SDK1: variants seen among roughly 807,000 people sequenced by gnomAD.
SDK1 encodes the protein sidekick cell adhesion molecule 1.
SDK1 carries 157 observed loss-of-function variants against 245.5 expected under a neutral mutation model. The observed-to-expected ratio is 0.64, with a 90% CI of 0.56 to 0.73. The LOEUF is 0.73. Among genes scored for constraint, SDK1 ranks in the 30% least tolerant of loss-of-function variants. The pLI is 0.00. For synonymous variants in SDK1, 1,647 were observed against 1,278.5 expected, an observed-to-expected ratio of 1.29 and a Z score of -6.15; for missense variants, 3,583 against 3,002.3, an observed-to-expected ratio of 1.19 and a Z score of -4.52.
rs57770805 is a variant in SDK1, at chr7:3,319,878, C to CTTTTTTTTTTTTTTTTTTTTT, written c.298+18011_298+18012insTTTTTTTTTTTTTTTTTTTTT. On this transcript the variant is annotated intron_variant, in intron 1 of 44. Coordinates refer to ENST00000404826, the MANE Select transcript of SDK1 (RefSeq NM_152744.4). ...TGCCTATATCTAACCCATTCTTAGT[C>CTTTTTTTTTTTTTTTTTTTTT]TTTTTTTTTTTTTTTTTGCATTTGC... 4.5e-3 allele frequency among the ~76,000 whole-genome samples: 399 copies of CTTTTTTTTTTTTTTTTTTTTT among 87,858 alleles called. 35 individuals are homozygous for CTTTTTTTTTTTTTTTTTTTTT. Among genetic ancestry groups the CTTTTTTTTTTTTTTTTTTTTT allele is most frequent in the African/African-American group, 6.7e-3 (145 of 21,676 alleles). 57.6% of individuals were successfully genotyped at this position (87,858 alleles called of 152,430 possible). A position where few individuals can be genotyped will look rare whatever the true frequency, so the allele number is the denominator to read the frequency against.
In SDK1 at chr7:4,144,122, TG is replaced by T. The variant is rs1325769375; in HGVS notation, c.4229-1595del. On this transcript the variant is annotated intron_variant, in intron 28 of 44. Transcript: ENST00000404826. ...TCCCTACTCTCACTACACAGGGGTG[TG>T]GGGGAAGGGGAGGCGTGGGGGAAGG... 8.5e-4 allele frequency among the ~76,000 whole-genome samples: 11 copies of T among 12,990 alleles called. No homozygotes were observed. The Admixed American group carries it at 9.6e-3, about 11-fold the overall frequency. The allele number at this position is 12,990 out of a possible 152,430, so 8.5% of individuals were successfully genotyped here.
At chr7:3,351,184 G>T (rs1395397142) in intron 1 of SDK1, among the ~76,000 whole-genome samples, 4 of 152,066 alleles carry the variant, frequency 2.6e-5, no homozygotes, top group Non-Finnish European at 5.9e-5. Context: ...AATCTTAAAG[G>T]CCAGATGGTA....
chr7:3,866,699 G>A (rs1353636990), intron 5 of SDK1, among the ~76,000 whole-genome samples: 1 of 152,194 alleles, frequency 6.6e-6, no homozygotes, highest in Non-Finnish European at 1.5e-5. Flanking sequence ...AGCATTGATT[G>A]TGAGGCATAC....
intron 5 of SDK1, among the ~76,000 whole-genome samples, chr7:3,872,707 A>G (rs1408807513): frequency 6.6e-6 from 1 of 151,940 alleles, no homozygotes; most frequent in African/African-American, 2.4e-5. Flanking sequence ...TGAAATTTTC[A>G]AAGAGTAGCT....
chr7:3,615,144 A>T (rs1340089425), intron 1 of SDK1, among the ~76,000 whole-genome samples: 1 of 151,674 alleles, frequency 6.6e-6, no homozygotes, highest in Admixed American at 6.6e-5. Flanking sequence ...TATGTTTTCT[A>T]TGACTCATTC....
chr7:3,972,140 C>T (rs180856491), intron 12 of SDK1, among the ~76,000 whole-genome samples: 1 of 146,866 alleles, frequency 6.8e-6, no homozygotes, highest in East Asian at 2.0e-4. Flanking sequence ...AGTACAGTGG[C>T]ATTATCTCAG....
chr7:3,898,875 T>C (rs1781690167), intron 5 of SDK1, among the ~76,000 whole-genome samples: 1 of 152,224 alleles, frequency 6.6e-6, no homozygotes, highest in African/African-American at 2.4e-5. Context: ...TAACATCTTA[T>C]GTTGTTAATC....
chr7:3,554,246 G>A (rs987847287), intron 1 of SDK1, among the ~76,000 whole-genome samples: 1 of 152,114 alleles, frequency 6.6e-6, no homozygotes, highest in Non-Finnish European at 1.5e-5. Flanking sequence ...CATGCGGAGT[G>A]CACTCTCTGA....
rs116957769 is a variant in SDK1, at chr7:4,022,717, C to T, written c.2602+5365C>T. 1.1e-4 allele frequency among the ~76,000 whole-genome samples: 16 copies of T among 152,008 alleles called. No homozygotes were observed. The East Asian group carries it at 2.9e-3, about 28-fold the overall frequency. ...TCAGCAGTATGTAGTGAGCACAGTGCGATGTTGACCCCACCACTCACTGGC... is the reference window on the plus strand; with the variant it reads ...TCAGCAGTATGTAGTGAGCACAGTGTGATGTTGACCCCACCACTCACTGGC... On this transcript the variant is annotated intron_variant, in intron 17 of 44. Coordinates refer to ENST00000404826, the MANE Select transcript of SDK1 (RefSeq NM_152744.4).
intron 5 of SDK1, among the ~76,000 whole-genome samples, chr7:3,830,725 G>C (rs571761021): frequency 1.3e-5 from 2 of 152,052 alleles, no homozygotes; most frequent in African/African-American, 4.8e-5. Flanking sequence ...TCTTGAACTC[G>C]GGCTCAAACA....
chr7:4,067,977 G>A, intron 20 of SDK1, 41 bp downstream of exon 20: 1 of 1,455,786 alleles, frequency 6.9e-7, no homozygotes, highest in Admixed American at 1.9e-5. Flanking sequence ...AGATAAGTTT[G>A]TCCTCACAAA....
At chr7:3,433,819 C>A (rs898690877) in intron 1 of SDK1, among the ~76,000 whole-genome samples, 3 of 152,148 alleles carry the variant, frequency 2.0e-5, no homozygotes, top group South Asian at 2.1e-4. Flanking sequence ...AAATCACAAG[C>A]TTGACAACCT....
chr7:3,854,228 C>G (rs896732798), intron 5 of SDK1, among the ~76,000 whole-genome samples: 5 of 152,278 alleles, frequency 3.3e-5, no homozygotes, highest in African/African-American at 1.2e-4. Context: ...TTGAAATCAT[C>G]TGACTTCAGT....
At chr7:3,677,719 T>A (rs188972638) in intron 4 of SDK1, among the ~76,000 whole-genome samples, 16 of 152,338 alleles carry the variant, frequency 1.1e-4, no homozygotes, top group African/African-American at 3.4e-4. Context: ...GAATATATAT[T>A]TTATATCTTA....
intron 1 of SDK1, among the ~76,000 whole-genome samples, chr7:3,587,333 A>C (rs563731639): frequency 6.6e-6 from 1 of 151,680 alleles, no homozygotes; most frequent in Non-Finnish European, 1.5e-5. Context: ...GTGTGTCTAA[A>C]GAGATTTATT....
At chr7:3,332,820 C>T (rs1406682633) in intron 1 of SDK1, among the ~76,000 whole-genome samples, 2 of 152,108 alleles carry the variant, frequency 1.3e-5, no homozygotes, top group East Asian at 3.8e-4. Flanking sequence ...GTAAATCTGC[C>T]AAGTTTTTTA....
In SDK1 at chr7:4,267,468, C is replaced by A. The variant is rs906160451; in HGVS notation, c.*2084C>A. 2 of 985,308 alleles carry A rather than the reference C, an allele frequency of 2.0e-6. No individual in the cohort carries two copies. The highest frequency in any genetic ancestry group is 3.5e-5 in the African/African-American group (2 of 57,246). The allele number at this position is 985,308 out of a possible 1,614,324, so 61.0% of individuals were successfully genotyped here. A position where few individuals can be genotyped will look rare whatever the true frequency, so the allele number is the denominator to read the frequency against. Reference sequence around the variant, plus strand: ...ACAGTTCCCCGGATGAGACTCACCACAGTGGACAGTGCCACCTCCTTCCCC... The same window carrying A: ...ACAGTTCCCCGGATGAGACTCACCAAAGTGGACAGTGCCACCTCCTTCCCC... On this transcript the variant is annotated 3_prime_UTR_variant, in exon 45 of 45. Coordinates refer to ENST00000404826, the MANE Select transcript of SDK1 (RefSeq NM_152744.4).
chr7:3,440,943 A>C (rs1372265001), intron 1 of SDK1, among the ~76,000 whole-genome samples: 2 of 152,192 alleles, frequency 1.3e-5, no homozygotes, highest in African/African-American at 4.8e-5. Flanking sequence ...GACTTGAGCA[A>C]GGGATCCCTT....
chr7:4,014,562 C>A lies in SDK1; in HGVS notation c.2420+2327C>A, dbSNP rs77666000. Among the ~76,000 whole-genome samples, 685 of 152,314 alleles carry A rather than the reference C, an allele frequency of 4.5e-3. 9 individuals are homozygous for A. Among genetic ancestry groups the A allele is most frequent in the African/African-American group, 0.015 (635 of 41,554 alleles). The stretch of plus-strand genomic sequence containing the variant: ...CCAGGGCACAGTCTCTGTGTCAGAT[C>A]CGAGGCACAATGCAAGGAAAGCAAA... On this transcript the variant is annotated intron_variant, in intron 16 of 44. Transcript: ENST00000404826.
Sources: gnomAD v4.1 joint callset for allele counts (sites outside exome capture counted in the v4.1 genomes callset) on GRCh38, gnomAD v4.1.1 for gene constraint, MANE v1.5 for transcripts, NCBI Gene and HGNC (gene_info 2026-07-23, HGNC 2026-07-21) for gene names.